EFR3B: variants seen among roughly 807,000 people sequenced by gnomAD.
The protein encoded by EFR3B is EFR3 homolog B.
EFR3B carries 64 observed loss-of-function variants against 104.7 expected under a neutral mutation model. That is an observed-to-expected ratio of 0.61 (90% confidence interval 0.50 to 0.75). EFR3B has a LOEUF of 0.75. EFR3B is among the 30% of genes least tolerant of loss of function. The pLI, the probability that EFR3B is intolerant of heterozygous loss-of-function variation, is 0.00. For missense variants in EFR3B, 750 were observed against 1,078.5 expected, an observed-to-expected ratio of 0.70 and a Z score of 4.27; for synonymous variants, 385 against 417.9, an observed-to-expected ratio of 0.92 and a Z score of 0.96.
At chr2:25,128,390 TG>T in intron 6 of EFR3B, 58 bp downstream of exon 6, 1 of 1,544,036 alleles carries the variant, frequency 6.5e-7, no homozygotes, top group Non-Finnish European at 8.8e-7. Context: ...AAGGGCTGCT[TG>T]GGAACCACAT....
intron 3 of EFR3B, among the ~76,000 whole-genome samples, chr2:25,099,351 G>C (rs1488767231): frequency 1.3e-5 from 2 of 152,020 alleles, no homozygotes; most frequent in Non-Finnish European, 2.9e-5. Flanking sequence ...AGGAATGGTA[G>C]GCATGGCTCC....
intron 5 of EFR3B, among the ~76,000 whole-genome samples, chr2:25,125,569 G>A (rs879331178): frequency 6.6e-6 from 1 of 152,130 alleles, no homozygotes; most frequent in Admixed American, 6.5e-5. Context: ...TCTGGGCCAG[G>A]GTATCCTGTT....
chr2:25,100,216 T>A (rs1266602590), intron 3 of EFR3B, among the ~76,000 whole-genome samples: 1 of 151,976 alleles, frequency 6.6e-6, no homozygotes, highest in African/African-American at 2.4e-5. Context: ...AAAAAAAAAT[T>A]TTTTTTTAAA....
chr2:25,079,908 G>T, intron 1 of EFR3B: 1 of 1,374,262 alleles, frequency 7.3e-7, no homozygotes, highest in South Asian at 1.2e-5. Context: ...AGATCATATT[G>T]GCAACTGAAA....
intron 3 of EFR3B, among the ~76,000 whole-genome samples, chr2:25,093,585 C>T (rs1669195787): frequency 6.6e-6 from 1 of 152,058 alleles, no homozygotes; most frequent in African/African-American, 2.4e-5. Flanking sequence ...TGTGATCTTC[C>T]AAAGGCAGGG....
Position 25,091,275 on chromosome 2 carries a change from T to G in EFR3B, c.8-50T>G. The G allele has an allele frequency of 3.3e-6, 5 of 1,534,922 alleles. No homozygotes were observed. The South Asian group carries it at 6.0e-5, about 18-fold the overall frequency. On this transcript the variant is annotated intron_variant, in intron 1 of 22. Coordinates refer to ENST00000403714, the MANE Select transcript of EFR3B (RefSeq NM_014971.2). ...CCCTGGCCCTGGCTCCAACCTTTCC[T>G]GGGCCCGACCAGGAGGCTTTGCTCA...
intron 1 of EFR3B, among the ~76,000 whole-genome samples, chr2:25,070,342 A>G (rs1573179143): frequency 6.6e-6 from 1 of 151,822 alleles, no homozygotes; most frequent in South Asian, 2.1e-4. Flanking sequence ...GCTCACTGCA[A>G]CCTCCGCCTC....
At position 25,112,967 on chromosome 2, in the gene EFR3B, A is replaced by G. The variant is rs74928248; in HGVS notation, c.364-8706A>G. Reference sequence around the variant, plus strand: ...AAGACCGGGAGAGAGCTGTTCCTGCAAGGCCAATCTTTGGAGCTTTTACTC... The same window carrying G: ...AAGACCGGGAGAGAGCTGTTCCTGCGAGGCCAATCTTTGGAGCTTTTACTC... On this transcript the variant is annotated intron_variant, in intron 4 of 22. Transcript: ENST00000403714. Among the ~76,000 whole-genome samples, 1,332 of 136,378 alleles carry G rather than the reference A, an allele frequency of 9.8e-3. 8 individuals are homozygous for G. The highest frequency in any genetic ancestry group is 0.016 in the Non-Finnish European group (923 of 57,872). 89.5% of individuals were successfully genotyped at this position (136,378 alleles called of 152,430 possible). A position where few individuals can be genotyped will look rare whatever the true frequency, so the allele number is the denominator to read the frequency against.
At chr2:25,135,672 A>T (rs765846876) in intron 13 of EFR3B, 33 bp downstream of exon 13, 10 of 1,550,774 alleles carry the variant, frequency 6.4e-6, no homozygotes, top group Non-Finnish European at 8.7e-7. Context: ...AGGCAATGCA[A>T]GATGGGGAGA....
At chr2:25,153,258 T>C (rs1395142462) in intron 21 of EFR3B, among the ~76,000 whole-genome samples, 2 of 151,828 alleles carry the variant, frequency 1.3e-5, no homozygotes, top group African/African-American at 2.4e-5. Context: ...GGAGGCTGAG[T>C]TGGGAGACTT....
chr2:25,060,923 A>C (rs1223440632), intron 1 of EFR3B, among the ~76,000 whole-genome samples: 1 of 56,996 alleles, frequency 1.8e-5, no homozygotes, highest in African/African-American at 7.5e-5. Context: ...TCCGAATCAA[A>C]AAACAAACAA....
intron 1 of EFR3B, chr2:25,081,082 T>C: frequency 1.4e-6 from 1 of 708,928 alleles, no homozygotes; most frequent in Non-Finnish European, 2.6e-6. Context: ...TGAAATGACC[T>C]CTCCATCCCT....
At chr2:25,107,453 T>G (rs552929148) in intron 4 of EFR3B, among the ~76,000 whole-genome samples, 3 of 152,252 alleles carry the variant, frequency 2.0e-5, no homozygotes, top group Non-Finnish European at 4.4e-5. Context: ...TTTGGAAACC[T>G]ACCAATTCCC....
rs1671188925 is a variant in EFR3B at position 25,157,040 on chromosome 2, C to A, written c.*2700C>A. The A allele has an allele frequency of 6.6e-6, 1 of 152,324 alleles. No individual in the cohort carries two copies. The highest frequency in any genetic ancestry group is 1.9e-4 in the East Asian group (1 of 5,192). 9.4% of individuals were successfully genotyped at this position (152,324 alleles called of 1,614,324 possible). ...CAGAGCCAGCATTAGAACCTGAGATCCCCAGATGTTTCTGCCCCTCATCCC... is the reference window on the plus strand; with the variant it reads ...CAGAGCCAGCATTAGAACCTGAGATACCCAGATGTTTCTGCCCCTCATCCC... On this transcript the variant is annotated 3_prime_UTR_variant, in exon 23 of 23. Coordinates refer to ENST00000403714, the MANE Select transcript of EFR3B (RefSeq NM_014971.2).
rs1667602979 is a variant in EFR3B, at chr2:25,042,600, A to G, written c.7+281A>G. On this transcript the variant is annotated intron_variant, in intron 1 of 22. Coordinates refer to ENST00000403714, the MANE Select transcript of EFR3B (RefSeq NM_014971.2). The surrounding 1 kb of genome is among the most constrained non-coding windows in gnomAD (Gnocchi z 5.4). ...GCTCAGGGGAAAGCGGGTCTCCCGG[A>G]GCCGAGCAGACCGGGAGTGCTGGAG... The G allele has an allele frequency of 1.7e-6, 2 of 1,186,940 alleles. No homozygotes were observed. Among genetic ancestry groups the G allele is most frequent in the Non-Finnish European group, 2.1e-6 (2 of 959,562 alleles). 73.5% of individuals were successfully genotyped at this position (1,186,940 alleles called of 1,614,324 possible).
intron 1 of EFR3B, among the ~76,000 whole-genome samples, 190 bp from the exon 2 acceptor site, chr2:25,091,135 G>T (rs1407956039): frequency 1.3e-5 from 2 of 152,322 alleles, no homozygotes; most frequent in African/African-American, 4.8e-5. Context: ...ATGTCTTAGA[G>T]TGTGGGGGTA....
At chr2:25,086,298 T>C (rs1330575277) in intron 1 of EFR3B, among the ~76,000 whole-genome samples, 1 of 152,134 alleles carries the variant, frequency 6.6e-6, no homozygotes, top group Non-Finnish European at 1.5e-5. Flanking sequence ...GATTGCTGGA[T>C]TGTATGGTAA....
At chr2:25,079,543 T>C (rs1439306945) in intron 1 of EFR3B, among the ~76,000 whole-genome samples, 1 of 152,206 alleles carries the variant, frequency 6.6e-6, no homozygotes, top group Non-Finnish European at 1.5e-5. Flanking sequence ...TCCTAGTGCT[T>C]AGTGCAGAGC....
chr2:25,126,112 G>A (rs1004230129), intron 5 of EFR3B, among the ~76,000 whole-genome samples: 1 of 152,250 alleles, frequency 6.6e-6, no homozygotes, highest in Non-Finnish European at 1.5e-5. Context: ...GGCACTGTGA[G>A]AGTGGCATTC....
Sources: gnomAD v4.1 joint callset for allele counts (sites outside exome capture counted in the v4.1 genomes callset) on GRCh38, gnomAD v4.1.1 for gene constraint, Gnocchi (gnomAD v3.1) non-coding constraint, MANE v1.5 for transcripts, NCBI Gene and HGNC (gene_info 2026-07-23, HGNC 2026-07-21) for gene names.